Variants in KRT71 observed in about 807,000 individuals in gnomAD.
KRT71 encodes the protein keratin, type II cytoskeletal 71.
In KRT71, 42 loss-of-function variants were observed where a neutral mutation model predicts 46.2. The ratio of observed to expected loss-of-function variants is 0.91; its 90% CI spans 0.71 to 1.18. KRT71 has a LOEUF of 1.18. KRT71 is among the 50% of genes most tolerant of loss of function. The pLI is 0.00. For missense variants in KRT71, 708 were observed against 677.9 expected (o/e 1.04, Z -0.49); for synonymous variants, 292 against 277.8 (o/e 1.05, Z -0.51).
intron 3 of KRT71, 23 bp from the exon 4 acceptor site, chr12:52,548,819 C>G: frequency 6.2e-7 from 1 of 1,607,086 alleles, no homozygotes. Flanking sequence ...CCCACCATCC[C>G]CTGTCACTGC....
chr12:52,551,165 C>T (rs1276423845), intron 1 of KRT71, among the ~76,000 whole-genome samples: 1 of 152,236 alleles, frequency 6.6e-6, no homozygotes, highest in Non-Finnish European at 1.5e-5. Context: ...CCACAATACA[C>T]ACCTGCACTA....
chr12:52,549,063 C>T (rs543126121), intron 3 of KRT71, among the ~76,000 whole-genome samples: 18 of 152,346 alleles, frequency 1.2e-4, no homozygotes, highest in African/African-American at 2.4e-4. Flanking sequence ...TATTCTTCTC[C>T]GTGTTCAAAC....
At chr12:52,550,357 A>T in intron 1 of KRT71, 114 bp from the exon 2 acceptor site, 1 of 1,287,026 alleles carries the variant, frequency 7.8e-7, no homozygotes, top group South Asian at 1.4e-5. Context: ...GAGCTGAAAG[A>T]GGTGGGCAAA....
Position 52,547,851 on chromosome 12 carries a change from T to C in KRT71, c.1104+6A>G, listed in dbSNP as rs1215475434. ...TGACCACAGGCCAAGGCCAACGTGC[T>C]CTCACCTGCTTCTTCACGTTCTCGA... On this transcript the variant is annotated splice_donor_region_variant and intron_variant, in intron 6 of 8. Transcript: ENST00000267119. The C allele has an allele frequency of 6.2e-7, 1 of 1,613,764 alleles. No homozygotes were observed. Among genetic ancestry groups the C allele is most frequent in the Non-Finnish European group, 8.5e-7 (1 of 1,179,864 alleles).
intron 3 of KRT71, 148 bp from the exon 4 acceptor site, chr12:52,548,944 C>T: frequency 1.5e-6 from 1 of 677,790 alleles, no homozygotes; most frequent in Non-Finnish European, 2.5e-6. Context: ...AAAGGCCCAG[C>T]CCTACCCCAC....
chr12:52,545,429 A>T, intron 8 of KRT71, 136 bp downstream of exon 8: 1 of 559,176 alleles, frequency 1.8e-6, no homozygotes, highest in Middle Eastern at 3.5e-4. Flanking sequence ...TGGCTCTGCC[A>T]TCTGGCTTTG....
chr12:52,548,715 A>G lies in KRT71; in HGVS notation c.799T>C (p.Cys267Arg). ...SMDQEIKFFR[C>R]LFEAEITQIQ... ...GACAGACTTACGGCTTCAAAGAGAC[A>G]CCTGAAGAACTTGATCTCCTGGTCC... The change falls in exon 4 of 9, where the codon TGT becomes CGT. Residue 267 changes from cysteine (C) to arginine (R), a missense_variant. Transcript: ENST00000267119. 5 of 1,614,146 alleles carry G rather than the reference A, an allele frequency of 3.1e-6. No homozygotes were observed. Among genetic ancestry groups the G allele is most frequent in the Non-Finnish European group, 4.2e-6 (5 of 1,179,992 alleles).
intron 6 of KRT71, 57 bp downstream of exon 6, chr12:52,547,800 C>G (rs1376670569): frequency 1.3e-6 from 2 of 1,596,234 alleles, no homozygotes; most frequent in Non-Finnish European, 1.7e-6. Flanking sequence ...CAGCTCATCT[C>G]CCCTCTACTC....
chr12:52,547,843 C>T lies in KRT71; in HGVS notation c.1104+14G>A, dbSNP rs764002791. 1.9e-6 allele frequency: 3 copies of T among 1,613,328 alleles called. No homozygotes were observed. Among genetic ancestry groups the T allele is most frequent in the Non-Finnish European group, 2.5e-6 (3 of 1,179,546 alleles). On this transcript the variant is annotated intron_variant, in intron 6 of 8. Transcript: ENST00000267119. ...CCTGCACTTGACCACAGGCCAAGGC[C>T]AACGTGCTCTCACCTGCTTCTTCAC... is the stretch of plus-strand genomic sequence containing the variant.
rs1458909569 is a variant in KRT71 at position 52,543,961 on chromosome 12, A to C, written c.*571T>G. ...AACAGAGGAAGGCCATTAAGAATAA[A>C]GGAAAAGTGAACAGTGCCTGCTTTT... On this transcript the variant is annotated 3_prime_UTR_variant, in exon 9 of 9. Transcript: ENST00000267119. 6.4e-6 allele frequency: 1 copy of C among 157,318 alleles called. No homozygotes were observed. The highest frequency in any genetic ancestry group is 1.9e-4 in the East Asian group (1 of 5,340). The allele number at this position is 157,318 out of a possible 1,614,324, so 9.7% of individuals were successfully genotyped here. A position where few individuals can be genotyped will look rare whatever the true frequency, so the allele number is the denominator to read the frequency against.
In KRT71 at chr12:52,546,446, C is replaced by G; in HGVS notation, c.1165G>C (p.Asp389His). The change falls in exon 7 of 9, where the codon GAT becomes CAT. Residue 389 changes from aspartate (D) to histidine (H), a missense_variant. Physicochemically the swap from Asp to His is moderately conservative, Grantham distance 81 (BLOSUM62 -1). Coordinates refer to ENST00000267119, the MANE Select transcript of KRT71 (RefSeq NM_033448.3). Reference protein sequence around the residue: ...AEQRGDNALKDARAKLDELEG... With the variant: ...AEQRGDNALKHARAKLDELEG... ...AGCTCGTCCAGCTTGGCCCGGGCAT[C>G]CTTCAGGGCGTTGTCTCCCCGCTGC... 2 of 1,614,220 alleles carry G rather than the reference C, an allele frequency of 1.2e-6. No homozygotes were observed. The highest frequency in any genetic ancestry group is 1.1e-5 in the South Asian group (1 of 91,082).
chr12:52,548,269 C>T lies in KRT71; in HGVS notation c.861G>A (p.Leu287=). The T allele has an allele frequency of 6.2e-7, 1 of 1,614,086 alleles. No individual in the cohort carries two copies. Among genetic ancestry groups the T allele is most frequent in the South Asian group, 1.1e-5 (1 of 91,058 alleles). Residue 287 remains leucine, a synonymous_variant, in exon 5 of 9, where the codon CTG becomes CTA. Coordinates refer to ENST00000267119, the MANE Select transcript of KRT71 (RefSeq NM_033448.3). ...QSHISDMSVI[L]SMDNNRNLDL... is the part of the protein sequence containing the mutation. ...CTAGGTTCCGGTTGTTGTCCATGGA[C>T]AGGATGACAGACATGTCACTGATGT...
intron 5 of KRT71, 71 bp downstream of exon 5, chr12:52,548,081 C>G: frequency 6.2e-7 from 1 of 1,600,148 alleles, no homozygotes; most frequent in Non-Finnish European, 8.5e-7. Context: ...TGCTTCTATT[C>G]TGGGCACGAT....
rs980246297 is a variant in KRT71 at position 52,552,749 on chromosome 12, C to T, written c.329G>A (p.Ser110Asn). The T allele has an allele frequency of 6.2e-7, 1 of 1,614,148 alleles. No individual in the cohort carries two copies. Among genetic ancestry groups the T allele is most frequent in the Non-Finnish European group, 8.5e-7 (1 of 1,179,990 alleles). The change falls in exon 1 of 9, where the codon AGC becomes AAC. Residue 110 changes from serine to asparagine, a missense_variant. Ser to Asn is a conservative substitution (Grantham distance 46). Coordinates refer to ENST00000267119, the MANE Select transcript of KRT71 (RefSeq NM_033448.3). ...GGIHQVTVNE[S>N]LLAPLNVELD... ...CTCCACGTTGAGGGGGGCCAGGAGG[C>T]TCTCATTGACGGTAACCTGGTGGAT...
intron 4 of KRT71, 55 bp from the exon 5 acceptor site, chr12:52,548,371 C>G: frequency 6.4e-7 from 1 of 1,552,498 alleles, no homozygotes; most frequent in South Asian, 1.2e-5. Flanking sequence ...AAGCCAACCA[C>G]CACCCCCAAA....
intron 2 of KRT71, 114 bp from the exon 3 acceptor site, chr12:52,549,467 C>A (rs749358313): frequency 2.8e-5 from 24 of 862,386 alleles, no homozygotes; most frequent in Admixed American, 1.9e-4. Flanking sequence ...TGCTGGGGGC[C>A]GCAGAGTACT....
chr12:52,547,302 G>A (rs889770758), intron 6 of KRT71, among the ~76,000 whole-genome samples: 8 of 152,186 alleles, frequency 5.3e-5, no homozygotes, highest in Non-Finnish European at 8.8e-5. Context: ...CATTGCTATC[G>A]TATATGTACA....
At chr12:52,544,815 C>G in intron 8 of KRT71, 72 bp from the exon 9 acceptor site, 2 of 1,346,740 alleles carry the variant, frequency 1.5e-6, no homozygotes, top group South Asian at 2.5e-5. Context: ...CCAGGGCAGA[C>G]AGGGCTTTTC....
At position 52,547,942 on chromosome 12, in the gene KRT71, T is replaced by C; in HGVS notation, c.1019A>G (p.Asp340Gly). 1.2e-6 allele frequency: 2 copies of C among 1,614,206 alleles called. No homozygotes were observed. The highest frequency in any genetic ancestry group is 1.7e-6 in the Non-Finnish European group (2 of 1,180,032). ...GATTTCATTCTTGGTGTTTTTGAGG[T>C]CGTCCCCATGCCTGCCAGCTGCCAG... The part of the protein sequence containing the change: ...LQLAAGRHGD[D>G]LKNTKNEISE... The change falls in exon 6 of 9, where the codon GAC becomes GGC. Residue 340 changes from aspartate to glycine, a missense_variant. Asp to Gly is a moderately conservative substitution (Grantham distance 94). Coordinates refer to ENST00000267119, the MANE Select transcript of KRT71 (RefSeq NM_033448.3).
Sources: allele counts gnomAD v4.1 joint callset (sites outside exome capture counted in the v4.1 genomes callset), GRCh38; gene constraint gnomAD v4.1.1; transcripts MANE v1.5; gene names NCBI Gene and HGNC (gene_info 2026-07-23, HGNC 2026-07-21).